LAMA5: variants seen among roughly 807,000 people sequenced by gnomAD.
The protein encoded by LAMA5 is laminin subunit alpha-5.
A neutral mutation model predicts 433.4 loss-of-function variants in LAMA5; 260 were observed. The ratio of observed to expected loss-of-function variants is 0.60; its 90% CI spans 0.54 to 0.66. The LOEUF (loss-of-function observed/expected upper bound fraction) is 0.66. LAMA5 is among the 30% of genes least tolerant of loss of function. The probability of loss-of-function intolerance (pLI) is 0.00; values close to 1 mark genes in which losing one functional copy is unlikely to be tolerated. For missense variants in LAMA5, 5,378 were observed against 5,258.5 expected (o/e 1.02, Z -0.70); for synonymous variants, 2,620 against 2,226.6 (o/e 1.18, Z -4.97).
In LAMA5 at chr20:62,332,721, C is replaced by T. The variant is rs1980716073; in HGVS notation, c.3283-4G>A. ...CCACTTGAAGCTGGACGTCCACCTG[C>T]AGGGAAGGCAGGGTGACGGGAGGCC... On this transcript the variant is annotated splice_polypyrimidine_tract_variant and splice_region_variant and intron_variant, in intron 26 of 79. Coordinates refer to ENST00000252999, the MANE Select transcript of LAMA5 (RefSeq NM_005560.6). 4.3e-6 allele frequency: 7 copies of T among 1,609,520 alleles called. No individual in the cohort carries two copies. The highest frequency in any genetic ancestry group is 5.9e-6 in the Non-Finnish European group (7 of 1,178,676).
chr20:62,337,061 C>T (rs3810550), intron 16 of LAMA5: 121,025 of 644,726 alleles, frequency 0.19, 11,895 homozygotes, highest in African/African-American at 0.23. Flanking sequence ...GTGTGACACA[C>T]GTCTGAACAA....
In LAMA5 at chr20:62,347,268, G is replaced by A. The variant is rs145236250; in HGVS notation, c.957-240C>T. On this transcript the variant is annotated intron_variant, in intron 6 of 79. Coordinates refer to ENST00000252999, the MANE Select transcript of LAMA5 (RefSeq NM_005560.6). ...AGGGAATGGACACAAGGAAAGAGGC[G>A]GTGGAGGACAGGGTCTCACAGGGCC... Among the ~76,000 whole-genome samples, 250 of 152,272 alleles carry A rather than the reference G, an allele frequency of 1.6e-3. 1 individual carries two copies. Among genetic ancestry groups the A allele is most frequent in the African/African-American group, 5.6e-3 (232 of 41,556 alleles).
At position 62,314,366 on chromosome 20, in the gene LAMA5, GC is replaced by G; in HGVS notation, c.8441del (p.Gly2814AlafsTer5). On this transcript the variant is annotated frameshift_variant, in exon 62 of 80. Coordinates refer to ENST00000252999, the MANE Select transcript of LAMA5 (RefSeq NM_005560.6). LOFTEE classifies it high-confidence loss of function. The stretch of plus-strand genomic sequence containing the variant: ...CCTCATCGATGCTTAGGACTGCAGG[GC>G]CCGCCTCACCCAGCTGATACACCCA... ...VHWVYQLGEA[G>X]PAVLSIDEDI... 6.2e-7 allele frequency: 1 copy of G among 1,613,344 alleles called. No individual in the cohort carries two copies. The highest frequency in any genetic ancestry group is 8.5e-7 in the Non-Finnish European group (1 of 1,179,922).
chr20:62,352,751 G>A (rs1984553800), intron 3 of LAMA5, among the ~76,000 whole-genome samples: 2 of 152,304 alleles, frequency 1.3e-5, no homozygotes, highest in African/African-American at 4.8e-5. Context: ...GGGTGGCACG[G>A]GGCCAGGGAC....
At position 62,346,816 on chromosome 20, in the gene LAMA5, C is replaced by G. The variant is rs749702633; in HGVS notation, c.1073-16G>C. The G allele has an allele frequency of 1.9e-6, 3 of 1,609,040 alleles. No individual in the cohort carries two copies. The highest frequency in any genetic ancestry group is 2.7e-5 in the African/African-American group (2 of 74,982). Reference sequence around the variant, plus strand: ...CAGTTACAGGCTAGAGAGAGGGGAGCGCAGCTGTTGGCACGCCCTCCACAG... The same window carrying G: ...CAGTTACAGGCTAGAGAGAGGGGAGGGCAGCTGTTGGCACGCCCTCCACAG... On this transcript the variant is annotated splice_polypyrimidine_tract_variant and intron_variant, in intron 7 of 79. Transcript: ENST00000252999.
intron 57 of LAMA5, chr20:62,316,301 T>C (rs564615285): frequency 7.6e-5 from 43 of 568,802 alleles, no homozygotes; most frequent in East Asian, 2.3e-4. Flanking sequence ...GATGAAACAA[T>C]AGAGGCTCAG....
intron 43 of LAMA5, 84 bp from the exon 44 acceptor site, chr20:62,323,940 C>T (rs117367136): frequency 4.1e-5 from 60 of 1,449,040 alleles, no homozygotes; most frequent in Middle Eastern, 2.2e-4. Context: ...CTGGAACACA[C>T]GCCAGGCGTC....
At chr20:62,319,366 G>C (rs1237877144) in intron 51 of LAMA5, among the ~76,000 whole-genome samples, 6 of 152,048 alleles carry the variant, frequency 3.9e-5, no homozygotes, top group Non-Finnish European at 7.4e-5. Flanking sequence ...TGTTAGGCAG[G>C]CTCAGGGAGC....
At chr20:62,339,766 C>G (rs1982293716) in intron 11 of LAMA5, among the ~76,000 whole-genome samples, 1 of 152,018 alleles carries the variant, frequency 6.6e-6, no homozygotes, top group South Asian at 2.1e-4. Flanking sequence ...CGTTTTCTTG[C>G]TCTAACTTGT....
Position 62,315,461 on chromosome 20 carries a change from C to T in LAMA5, c.7868-254G>A, listed in dbSNP as rs559840414. On this transcript the variant is annotated intron_variant, in intron 58 of 79. Transcript: ENST00000252999. ...CTGGACATGTGCCCCATGTCACCTCCCACCACCTGGCCCCCACCATCTCTC... is the reference window on the plus strand; with the variant it reads ...CTGGACATGTGCCCCATGTCACCTCTCACCACCTGGCCCCCACCATCTCTC... Among the ~76,000 whole-genome samples, 56 of 152,188 alleles carry T rather than the reference C, an allele frequency of 3.7e-4. No individual in the cohort carries two copies. The Middle Eastern group carries it at 0.01, about 28-fold the overall frequency.
rs551914642 is a variant in LAMA5, at chr20:62,321,865, C to T, written c.6496+154G>A. ...GCAGTGGAGCTGCAGCGCTCCTCAG[C>T]GTGGTTGGAGTTGGACAGGCATGGG... On this transcript the variant is annotated intron_variant, in intron 48 of 79. Coordinates refer to ENST00000252999, the MANE Select transcript of LAMA5 (RefSeq NM_005560.6). Among the ~76,000 whole-genome samples, 6 of 151,732 alleles carry T rather than the reference C, an allele frequency of 4.0e-5. No individual in the cohort carries two copies. The South Asian group carries it at 1.0e-3, about 26-fold the overall frequency.
rs745730657 is a variant in LAMA5, at chr20:62,316,972, G to A, written c.7563C>T (p.Ala2521=). The A allele has an allele frequency of 2.2e-5, 34 of 1,562,772 alleles. No individual in the cohort carries two copies. The highest frequency in any genetic ancestry group is 2.9e-5 in the Non-Finnish European group (33 of 1,151,310). The change falls in exon 56 of 80, where the codon GCC becomes GCT. Residue 2521 remains alanine, a synonymous_variant. Coordinates refer to ENST00000252999, the MANE Select transcript of LAMA5 (RefSeq NM_005560.6). ...GCAGGATGCGGCTGTAGGCGTTGGA[G>A]GCCTCGATGGCCCTCTGGGTGAGGC... ...QDRLTQRAIE[A]SNAYSRILQA... is the part of the protein sequence containing the mutation.
intron 39 of LAMA5, 35 bp downstream of exon 39, chr20:62,326,830 C>G (rs762082897): frequency 7.5e-6 from 12 of 1,601,630 alleles, no homozygotes; most frequent in Middle Eastern, 1.7e-4. Context: ...CCACGCCCAC[C>G]CAACCACCCT....
rs201848989 is a variant in LAMA5, at chr20:62,326,941, C to T, written c.5138G>A (p.Arg1713His). The T allele has an allele frequency of 3.3e-5, 53 of 1,610,554 alleles. No individual in the cohort carries two copies. The highest frequency in any genetic ancestry group is 1.1e-4 in the African/African-American group (8 of 75,002). Reference protein sequence around the residue: ...DRVSSYGGTLRYELHSETQRG... With the variant: ...DRVSSYGGTLHYELHSETQRG... ...CTGGGTCTCTGAGTGCAGTTCATAA[C>T]GGAGGGTCCCACCGTAGGATGACAC... is the stretch of plus-strand genomic sequence containing the variant. Residue 1713 changes from arginine (R) to histidine (H), a missense_variant, in exon 39 of 80, where the codon CGT (arginine) becomes CAT (histidine). Coordinates refer to ENST00000252999, the MANE Select transcript of LAMA5 (RefSeq NM_005560.6).
chr20:62,312,333 C>A lies in LAMA5; in HGVS notation c.9361-17G>T. The A allele has an allele frequency of 6.2e-7, 1 of 1,606,358 alleles. No individual in the cohort carries two copies. Among genetic ancestry groups the A allele is most frequent in the Non-Finnish European group, 8.5e-7 (1 of 1,179,102 alleles). ...GCGCCCCACCTGCGGGGAGGCCATC[C>A]CTGAGTGCCCGCGGGTGCCCCTGCA... On this transcript the variant is annotated splice_polypyrimidine_tract_variant and intron_variant, in intron 68 of 79. Transcript: ENST00000252999.
In LAMA5 at chr20:62,346,571, T is replaced by A. The variant is rs758087525; in HGVS notation, c.1217A>T (p.Glu406Val). The A allele has an allele frequency of 2.7e-5, 43 of 1,582,228 alleles. No homozygotes were observed. The Admixed American group carries it at 7.8e-4, about 29-fold the overall frequency. Residue 406 changes from glutamate (E) to valine (V), a missense_variant, in exon 9 of 80, where the codon GAG becomes GTG. By Grantham distance (121) the Glu-to-Val change is moderately radical. Coordinates refer to ENST00000252999, the MANE Select transcript of LAMA5 (RefSeq NM_005560.6). ...CQHHTTGVNCERCLPGFYRSP... is the reference protein window; with the variant it reads ...CQHHTTGVNCVRCLPGFYRSP... ...GCGGTAGAAGCCGGGCAGGCAGCGC[T>A]CACAGTTGACGCCGGTGGTGTGGTG...
chr20:62,311,955 G>T lies in LAMA5; in HGVS notation c.9600C>A (p.Ala3200=), dbSNP rs749719050. The change falls in exon 70 of 80, where the codon GCC becomes GCA. Residue 3200 remains alanine, a synonymous_variant. Coordinates refer to ENST00000252999, the MANE Select transcript of LAMA5 (RefSeq NM_005560.6). ...TGCTGTAGAAGGCGACGTAATGGGG[G>T]GCACCATCGGCGAAGCCCGCTTGAG... ...VKTQAGFADG[A]PHYVAFYSNA... 1 of 1,612,640 alleles carries T rather than the reference G, an allele frequency of 6.2e-7. No individual in the cohort carries two copies. Among genetic ancestry groups the T allele is most frequent in the South Asian group, 1.1e-5 (1 of 91,076 alleles).
At chr20:62,337,265 C>A (rs140835637) in intron 16 of LAMA5, among the ~76,000 whole-genome samples, 42 of 152,330 alleles carry the variant, frequency 2.8e-4, no homozygotes, top group Non-Finnish European at 4.6e-4. Flanking sequence ...GACACACAAA[C>A]CCACTTACGT....
At position 62,351,791 on chromosome 20, in the gene LAMA5, C is replaced by T. The variant is rs1318397581; in HGVS notation, c.869G>A (p.Ser290Asn). 1 of 1,608,916 alleles carries T rather than the reference C, an allele frequency of 6.2e-7. No individual in the cohort carries two copies. The highest frequency in any genetic ancestry group is 1.7e-5 in the Admixed American group (1 of 59,472). Residue 290 changes from serine (S) to asparagine (N), a missense_variant, in exon 6 of 80, where the codon AGC (serine) becomes AAC (asparagine). By Grantham distance (46) the Ser-to-Asn change is conservative. Transcript: ENST00000252999. ...DPTVTRRYYY[S>N]IKDISIGGRC... ...GCCTCCGATGCTGATATCCTTGATG[C>T]TGTAATAATACTGCACCCGCAGGCC...
Sources: gnomAD v4.1 joint callset for allele counts (sites outside exome capture counted in the v4.1 genomes callset) on GRCh38, gnomAD v4.1.1 for gene constraint, MANE v1.5 for transcripts, NCBI Gene and HGNC (gene_info 2026-07-23, HGNC 2026-07-21) for gene names.